The following CACNA2D3 variants were observed in gnomAD, a reference collection of about 807,000 sequenced individuals.
CACNA2D3 encodes calcium voltage-gated channel auxiliary subunit alpha2delta 3, also known as voltage-dependent calcium channel subunit alpha-2/delta-3.
Under a neutral mutation model 160.6 loss-of-function variants are expected in CACNA2D3, and 60 were observed. The ratio of observed to expected loss-of-function variants is 0.37; its 90% CI spans 0.30 to 0.46. The LOEUF is 0.46. Ranked by LOEUF, CACNA2D3 falls within the 20% of genes least tolerant of loss-of-function variation. CACNA2D3 has a pLI of 1.00. For missense variants in CACNA2D3, 1,205 were observed against 1,365.0 expected (o/e 0.88, Z 1.85); for synonymous variants, 558 against 492.9 (o/e 1.13, Z -1.75).
chr3:54,318,642 T>C (rs895798962), intron 2 of CACNA2D3, among the ~76,000 whole-genome samples: 1 of 151,192 alleles, frequency 6.6e-6, no homozygotes, highest in African/African-American at 2.4e-5. Context: ...ACGGGGTTGC[T>C]GGGGAGTCCA....
chr3:54,326,401 A>G (rs943413102), intron 3 of CACNA2D3, among the ~76,000 whole-genome samples: 1 of 152,202 alleles, frequency 6.6e-6, no homozygotes, highest in Non-Finnish European at 1.5e-5. Context: ...GGGAATATAT[A>G]CAGTGAGGCA....
chr3:54,465,359 A>T (rs1700602585), intron 4 of CACNA2D3, among the ~76,000 whole-genome samples: 1 of 152,132 alleles, frequency 6.6e-6, no homozygotes, highest in South Asian at 2.1e-4. Flanking sequence ...GCACATTCAC[A>T]TTACTTTATT....
At chr3:54,546,913 A>T (rs776849051) in intron 5 of CACNA2D3, among the ~76,000 whole-genome samples, 1 of 152,214 alleles carries the variant, frequency 6.6e-6, no homozygotes, top group Non-Finnish European at 1.5e-5. Context: ...CATCCTGGTT[A>T]TAAGTAGTTT....
chr3:54,856,297 G>A (rs1415255604), intron 17 of CACNA2D3, among the ~76,000 whole-genome samples: 1 of 152,162 alleles, frequency 6.6e-6, no homozygotes, highest in Non-Finnish European at 1.5e-5. Flanking sequence ...CTGTGCACTG[G>A]GTAGCTAGGG....
intron 5 of CACNA2D3, among the ~76,000 whole-genome samples, chr3:54,524,467 G>A (rs1253528303): frequency 6.6e-6 from 1 of 151,988 alleles, no homozygotes; most frequent in Non-Finnish European, 1.5e-5. Flanking sequence ...AGAAGAATGT[G>A]TAATGTATTG....
At chr3:54,297,712 CAAA>C (rs5849037) in intron 2 of CACNA2D3, among the ~76,000 whole-genome samples, 32 of 116,218 alleles carry the variant, frequency 2.8e-4, no homozygotes, top group Admixed American at 2.6e-4. Flanking sequence ...TCCCCGCCAC[CAAA>C]AAAAAAAAAA....
intron 9 of CACNA2D3, among the ~76,000 whole-genome samples, chr3:54,588,856 G>C (rs1702809717): frequency 6.6e-6 from 1 of 151,450 alleles, no homozygotes; most frequent in Non-Finnish European, 1.5e-5. Flanking sequence ...CAGGGTAAAG[G>C]TGTTATTTTT....
At chr3:55,018,134 G>T in intron 34 of CACNA2D3, 72 bp from the exon 35 acceptor site, 1 of 869,126 alleles carries the variant, frequency 1.2e-6, no homozygotes. Context: ...CTGGGTTGCT[G>T]TGGGCTGCCA....
chr3:54,391,621 A>G (rs11709302), intron 4 of CACNA2D3, among the ~76,000 whole-genome samples: 53,391 of 151,326 alleles, frequency 0.35, 9,552 homozygotes, highest in Admixed American at 0.42. Flanking sequence ...AGTGATTCTC[A>G]TGCCTCAGCT....
intron 11 of CACNA2D3, among the ~76,000 whole-genome samples, chr3:54,674,735 G>A (rs1700211037): frequency 6.6e-6 from 1 of 152,182 alleles, no homozygotes; most frequent in Non-Finnish European, 1.5e-5. Context: ...GTAGACAGTG[G>A]AGGATCAACT....
chr3:54,768,298 T>C (rs973980419), intron 13 of CACNA2D3, among the ~76,000 whole-genome samples: 1 of 152,202 alleles, frequency 6.6e-6, no homozygotes, highest in Non-Finnish European at 1.5e-5. Context: ...ATGGACATTG[T>C]GTGCCTGCAG....
intron 13 of CACNA2D3, among the ~76,000 whole-genome samples, chr3:54,790,351 A>G (rs1485497205): frequency 6.6e-6 from 1 of 152,142 alleles, no homozygotes; most frequent in African/African-American, 2.4e-5. Context: ...GCCTGCTGCT[A>G]TTGCAAAGCA....
chr3:54,857,324 C>T (rs1699194146), intron 17 of CACNA2D3, among the ~76,000 whole-genome samples: 1 of 149,646 alleles, frequency 6.7e-6, no homozygotes, highest in Non-Finnish European at 1.5e-5. Flanking sequence ...GTTTCCTCCA[C>T]TCTGCTCTGA....
chr3:54,945,611 G>C (rs1701593183), intron 27 of CACNA2D3, among the ~76,000 whole-genome samples: 1 of 152,086 alleles, frequency 6.6e-6, no homozygotes, highest in African/African-American at 2.4e-5. Flanking sequence ...TCAAACTTTA[G>C]TGTCAGTGCC....
intron 16 of CACNA2D3, among the ~76,000 whole-genome samples, chr3:54,845,585 G>C (rs1387605902): frequency 1.3e-5 from 2 of 152,172 alleles, no homozygotes; most frequent in African/African-American, 4.8e-5. Flanking sequence ...GTAGCCAATG[G>C]GTGCAGTCAA....
intron 35 of CACNA2D3, among the ~76,000 whole-genome samples, chr3:55,051,389 G>T (rs187255218): frequency 0.02 from 1,713 of 85,664 alleles, 18 homozygotes; most frequent in Middle Eastern, 0.035. Flanking sequence ...TGCCCCTGCT[G>T]GGGGGGTGCC....
intron 29 of CACNA2D3, among the ~76,000 whole-genome samples, chr3:54,974,089 C>G (rs1336421467): frequency 6.6e-6 from 1 of 152,118 alleles, no homozygotes; most frequent in African/African-American, 2.4e-5. Context: ...AAACAAAAGG[C>G]AAAAAGCAGC....
chr3:54,640,173 C>T (rs1019308192), intron 10 of CACNA2D3, among the ~76,000 whole-genome samples: 1 of 152,298 alleles, frequency 6.6e-6, no homozygotes, highest in East Asian at 1.9e-4. Flanking sequence ...ATAGGGGATG[C>T]GATGGCTTGG....
intron 4 of CACNA2D3, among the ~76,000 whole-genome samples, chr3:54,457,904 G>A (rs1700428645): frequency 6.6e-6 from 1 of 151,900 alleles, no homozygotes; most frequent in South Asian, 2.1e-4. Flanking sequence ...AGGTACTCCT[G>A]CTCACGTTTA....
Sources: gnomAD v4.1 joint callset for allele counts (sites outside exome capture counted in the v4.1 genomes callset) on GRCh38, gnomAD v4.1.1 for gene constraint, MANE v1.5 for transcripts, NCBI Gene and HGNC (gene_info 2026-07-23, HGNC 2026-07-21) for gene names.